Variants in MRNIP observed in about 807,000 individuals in gnomAD.
MRNIP encodes the protein MRN complex interacting protein.
MRNIP carries 30 observed loss-of-function variants against 29.8 expected under a neutral mutation model. The ratio of observed to expected loss-of-function variants is 1.01; its 90% CI spans 0.75 to 1.36. The LOEUF (loss-of-function observed/expected upper bound fraction) is 1.36. MRNIP is among the 40% of genes most tolerant of loss of function. The pLI is 0.00. For synonymous variants in MRNIP, 201 were observed against 164.1 expected (o/e 1.23, Z -1.72); for missense variants, 459 against 423.5 (o/e 1.08, Z -0.74).
chr5:179,856,901 C>T (rs1759605263), intron 1 of MRNIP, among the ~76,000 whole-genome samples: 1 of 151,560 alleles, frequency 6.6e-6, no homozygotes, highest in African/African-American at 2.4e-5. Flanking sequence ...CCAGCCTGGG[C>T]AACACGGCCG....
rs781247934 is a variant in MRNIP at position 179,841,939 on chromosome 5, G to A, written c.417C>T (p.Gly139=). ...KQPSSKMEEP[G]PRFSQDLPRK... ...TAGGCAGGTCTTGACTGAAGCGGGG[G>A]CCTGGCTCCTCCATTTTGGATGAAG... Residue 139 remains glycine (G), a synonymous_variant, in exon 5 of 7, where the codon GGC becomes GGT. Coordinates refer to ENST00000292586, the MANE Select transcript of MRNIP (RefSeq NM_016175.4). 40 of 1,613,966 alleles carry A rather than the reference G, an allele frequency of 2.5e-5. No individual in the cohort carries two copies. In the Admixed American group the frequency reaches 5.7e-4, roughly 23 times the overall value.
At chr5:179,842,925 T>C (rs1278512913) in intron 4 of MRNIP, among the ~76,000 whole-genome samples, 2 of 150,672 alleles carry the variant, frequency 1.3e-5, no homozygotes, top group Non-Finnish European at 3.0e-5. Context: ...CCCAGCTTCT[T>C]GGGAGGCTGA....
intron 6 of MRNIP, chr5:179,840,633 G>A (rs956974317): frequency 1.2e-5 from 7 of 581,306 alleles, no homozygotes; most frequent in South Asian, 8.4e-5. Context: ...TTTCTCCAAG[G>A]GTCACAATGC....
intron 2 of MRNIP, 146 bp downstream of exon 2, chr5:179,853,232 A>C (rs1368551848): frequency 1.3e-6 from 2 of 1,551,690 alleles, no homozygotes; most frequent in Admixed American, 1.9e-5. Context: ...TCACTTCCTG[A>C]AGGAACAGGA....
chr5:179,857,711 T>C (rs1759652839), intron 1 of MRNIP, among the ~76,000 whole-genome samples: 1 of 151,932 alleles, frequency 6.6e-6, no homozygotes, highest in Non-Finnish European at 1.5e-5. Flanking sequence ...TTAACATACC[T>C]CTTAAACAAG....
At chr5:179,845,518 A>G (rs969280347) in intron 3 of MRNIP, among the ~76,000 whole-genome samples, 1 of 151,092 alleles carries the variant, frequency 6.6e-6, no homozygotes, top group African/African-American at 2.4e-5. Flanking sequence ...TTAAAGACAG[A>G]GTCTCACTCT....
At chr5:179,850,392 A>G (rs1048443979) in intron 2 of MRNIP, among the ~76,000 whole-genome samples, 3 of 152,228 alleles carry the variant, frequency 2.0e-5, no homozygotes, top group Non-Finnish European at 2.9e-5. Context: ...GTGCTGGGAC[A>G]ATGGAGCACA....
rs1374726030 is a variant in MRNIP at position 179,837,710 on chromosome 5, T to C, written c.713A>G (p.Lys238Arg). The C allele has an allele frequency of 6.2e-7, 1 of 1,614,124 alleles. No individual in the cohort carries two copies. The highest frequency in any genetic ancestry group is 1.3e-5 in the African/African-American group (1 of 74,938). The change falls in exon 7 of 7, where the codon AAA (lysine) becomes AGA (arginine). Residue 238 changes from lysine (K) to arginine (R), a missense_variant. Physicochemically the swap from Lys to Arg is conservative, Grantham distance 26. Transcript: ENST00000292586. ...CTGCTCACTGTCCACATGTGAACTT[T>C]TTCTAGGTGGCAGGACAAATTGCGC... is the stretch of plus-strand genomic sequence containing the variant. ...KWAQFVLPPR[K>R]SSHVDSEQPR...
chr5:179,843,395 T>C (rs1758995687), intron 4 of MRNIP, among the ~76,000 whole-genome samples: 1 of 152,166 alleles, frequency 6.6e-6, no homozygotes, highest in Non-Finnish European at 1.5e-5. Context: ...ATGGACTGAA[T>C]TGGAAGCACA....
At chr5:179,857,622 G>C (rs893711686) in intron 1 of MRNIP, among the ~76,000 whole-genome samples, 1 of 152,158 alleles carries the variant, frequency 6.6e-6, no homozygotes, top group Non-Finnish European at 1.5e-5. Flanking sequence ...AAAAGTTTCT[G>C]AGCCCTTAAA....
At chr5:179,843,190 G>A (rs552217658) in intron 4 of MRNIP, among the ~76,000 whole-genome samples, 2 of 152,122 alleles carry the variant, frequency 1.3e-5, no homozygotes, top group South Asian at 2.1e-4. Context: ...TTTTTGAGAC[G>A]TTGGGGCTCC....
At chr5:179,855,680 C>T (rs1283222327) in intron 1 of MRNIP, among the ~76,000 whole-genome samples, 1 of 152,098 alleles carries the variant, frequency 6.6e-6, no homozygotes, top group African/African-American at 2.4e-5. Context: ...TTTAACACCA[C>T]AAAGATGTCT....
At chr5:179,854,331 T>C (rs1414586278) in intron 1 of MRNIP, among the ~76,000 whole-genome samples, 1 of 152,224 alleles carries the variant, frequency 6.6e-6, no homozygotes, top group Non-Finnish European at 1.5e-5. Flanking sequence ...TGGCCTGAAA[T>C]AATTTTAAAA....
chr5:179,852,987 TCA>T (rs775083784), intron 2 of MRNIP, among the ~76,000 whole-genome samples: 1 of 152,328 alleles, frequency 6.6e-6, no homozygotes, highest in Non-Finnish European at 1.5e-5. Flanking sequence ...TGTCATCTTC[TCA>T]CAGTCCCCAG....
chr5:179,837,589 C>T lies in MRNIP; in HGVS notation c.834G>A (p.Arg278=), dbSNP rs772051734. 6.2e-7 allele frequency: 1 copy of T among 1,614,158 alleles called. No individual in the cohort carries two copies. Among genetic ancestry groups the T allele is most frequent in the Non-Finnish European group, 8.5e-7 (1 of 1,179,988 alleles). ...RAQASREGLS[R]PTAAVQLPRA... is the part of the protein sequence containing the mutation. ...GAGGAAGCTGGACAGCGGCAGTGGG[C>T]CTGCTGAGGCCTTCTCTTGAGGCCT... is the stretch of plus-strand genomic sequence containing the variant. Residue 278 remains arginine (R), a synonymous_variant, in exon 7 of 7, where the codon AGG becomes AGA. Coordinates refer to ENST00000292586, the MANE Select transcript of MRNIP (RefSeq NM_016175.4).
Position 179,858,776 on chromosome 5 carries a change from A to G in MRNIP, c.21T>C (p.Ser7=). The change falls in exon 1 of 7, where the codon TCT becomes TCC. Residue 7 remains serine (S), a synonymous_variant. Coordinates refer to ENST00000292586, the MANE Select transcript of MRNIP (RefSeq NM_016175.4). MASLQR[S]RVLRCCSCRL... ...GGCAGCTGCAGCAGCGTAGCACCCG[A>G]GAACGCTGAAGCGACGCCATCCCTG... The G allele has an allele frequency of 6.5e-7, 1 of 1,540,682 alleles. No homozygotes were observed. Among genetic ancestry groups the G allele is most frequent in the Admixed American group, 2.0e-5 (1 of 50,466 alleles).
chr5:179,856,006 T>A (rs1759563205), intron 1 of MRNIP, among the ~76,000 whole-genome samples: 1 of 150,902 alleles, frequency 6.6e-6, no homozygotes, highest in Admixed American at 6.6e-5. Context: ...CCTCCTGGAT[T>A]CAAGTGATTC....
intron 2 of MRNIP, among the ~76,000 whole-genome samples, chr5:179,852,483 G>A (rs180980477): frequency 3.9e-4 from 59 of 152,252 alleles, no homozygotes; most frequent in East Asian, 5.8e-4. Flanking sequence ...CACAAACACC[G>A]AGCACTGTGC....
intron 2 of MRNIP, 48 bp downstream of exon 2, chr5:179,853,330 C>A: frequency 6.2e-7 from 1 of 1,604,946 alleles, no homozygotes; most frequent in Non-Finnish European, 8.5e-7. Context: ...CCTGGAAGGG[C>A]TCGCTGCAGG....
Sources: gnomAD v4.1 joint callset for allele counts (sites outside exome capture counted in the v4.1 genomes callset) on GRCh38, gnomAD v4.1.1 for gene constraint, MANE v1.5 for transcripts, NCBI Gene and HGNC (gene_info 2026-07-23, HGNC 2026-07-21) for gene names.